The following INO80D variants were observed in gnomAD, a reference collection of about 807,000 sequenced individuals.
The protein encoded by INO80D is INO80 complex subunit D.
In INO80D, 21 loss-of-function variants were observed where a neutral mutation model predicts 87.6. The observed-to-expected ratio is 0.24, with a 90% CI of 0.17 to 0.35. INO80D has a LOEUF of 0.35. Among genes scored for constraint, INO80D ranks in the 10% least tolerant of loss-of-function variants. The pLI, the probability that INO80D is intolerant of heterozygous loss-of-function variation, is 1.00. For synonymous variants in INO80D, 440 were observed against 491.0 expected, an observed-to-expected ratio of 0.90 and a Z score of 1.37; for missense variants, 982 against 1,280.7, an observed-to-expected ratio of 0.77 and a Z score of 3.56.
At chr2:206,037,188 C>T (rs534276469) in intron 5 of INO80D, among the ~76,000 whole-genome samples, 6 of 152,218 alleles carry the variant, frequency 3.9e-5, no homozygotes, top group African/African-American at 7.2e-5. Context: ...GAAATGATAC[C>T]TGTGAAGTAA....
At chr2:206,010,073 A>ACACACACACACACG (rs1401545397) in intron 8 of INO80D, among the ~76,000 whole-genome samples, 1 of 141,042 alleles carries the variant, frequency 7.1e-6, no homozygotes, top group East Asian at 1.9e-4. Flanking sequence ...ACACACACAC[A>ACACACACACACACG]CACACACACA....
At chr2:206,006,791 A>G (rs537976439) in intron 10 of INO80D, among the ~76,000 whole-genome samples, 92 of 152,272 alleles carry the variant, frequency 6.0e-4, no homozygotes, top group African/African-American at 2.1e-3. Context: ...TCATGCCTGT[A>G]ATCCCAGCAC....
intron 8 of INO80D, among the ~76,000 whole-genome samples, chr2:206,010,079 ACACACACG>A: frequency 6.8e-6 from 1 of 148,044 alleles, no homozygotes; most frequent in Non-Finnish European, 1.5e-5. Flanking sequence ...ACACACACAC[ACACACACG>A]CACACACACG....
chr2:206,000,825 A>C lies in INO80D; in HGVS notation c.*3543T>G, dbSNP rs1687896535. On this transcript the variant is annotated 3_prime_UTR_variant, in exon 11 of 11. Transcript: ENST00000403263. ...ACACCAATTTTAAGGAAAAAAAATA[A>C]TAACCTCACTTTCCAACTTGCTCCC... The C allele has an allele frequency of 6.6e-6, 1 of 152,228 alleles. No individual in the cohort carries two copies. Among genetic ancestry groups the C allele is most frequent in the South Asian group, 2.1e-4 (1 of 4,830 alleles). The allele number at this position is 152,228 out of a possible 1,614,324, so 9.4% of individuals were successfully genotyped here. A position where few individuals can be genotyped will look rare whatever the true frequency, so the allele number is the denominator to read the frequency against.
chr2:206,002,248 T>G lies in INO80D; in HGVS notation c.*2120A>C, dbSNP rs1168414403. 6.6e-6 allele frequency: 1 copy of G among 152,202 alleles called. No individual in the cohort carries two copies. Among genetic ancestry groups the G allele is most frequent in the Non-Finnish European group, 1.5e-5 (1 of 68,040 alleles). The allele number at this position is 152,202 out of a possible 1,614,324, so 9.4% of individuals were successfully genotyped here. Reference sequence around the variant, plus strand: ...GACATTTTTGAGCCGAGGTAACTACTCGTGACCACTTCATTACAGTACATT... The same window carrying G: ...GACATTTTTGAGCCGAGGTAACTACGCGTGACCACTTCATTACAGTACATT... On this transcript the variant is annotated 3_prime_UTR_variant, in exon 11 of 11. Transcript: ENST00000403263.
chr2:206,077,971 G>T (rs1242252777), intron 1 of INO80D, among the ~76,000 whole-genome samples: 3 of 137,844 alleles, frequency 2.2e-5, no homozygotes, highest in Non-Finnish European at 4.6e-5. Flanking sequence ...GGTGCAAGAT[G>T]AAATGCCTAC....
At chr2:206,046,905 C>T (rs758005334) in intron 4 of INO80D, among the ~76,000 whole-genome samples, 4 of 152,086 alleles carry the variant, frequency 2.6e-5, no homozygotes, top group Non-Finnish European at 4.4e-5. Context: ...CTCGGCCTCC[C>T]GAGTAGCCAG....
At position 206,056,187 on chromosome 2, in the gene INO80D, A is replaced by G. The variant is rs1386490169; in HGVS notation, c.964+11T>C. ...TTATGTGTCTATGATACGATAAAAT[A>G]GATAACTCACCTAAATGGGGAAACA... On this transcript the variant is annotated intron_variant, in intron 4 of 10. Coordinates refer to ENST00000403263, the MANE Select transcript of INO80D (RefSeq NM_017759.5). 9.6e-6 allele frequency: 15 copies of G among 1,554,954 alleles called. No individual in the cohort carries two copies. Among genetic ancestry groups the G allele is most frequent in the Non-Finnish European group, 1.1e-5 (13 of 1,151,308 alleles).
At position 206,019,852 on chromosome 2, in the gene INO80D, A is replaced by C. The variant is rs1386070955; in HGVS notation, c.1299-7T>G. On this transcript the variant is annotated splice_polypyrimidine_tract_variant and splice_region_variant and intron_variant, in intron 6 of 10. Transcript: ENST00000403263. ...CAGCTTGGTCCGGCTTATGCTAAGG[A>C]AAGAAAAACAGAGAATTAATTTTTT... The C allele has an allele frequency of 6.2e-7, 1 of 1,606,926 alleles. No individual in the cohort carries two copies. The highest frequency in any genetic ancestry group is 2.2e-5 in the East Asian group (1 of 44,790).
At chr2:206,079,077 CT>C (rs745848869) in intron 1 of INO80D, among the ~76,000 whole-genome samples, 25 of 148,328 alleles carry the variant, frequency 1.7e-4, no homozygotes, top group African/African-American at 3.7e-4. Flanking sequence ...TAGGCTTTAT[CT>C]TTTTTTTTTT....
chr2:206,050,122 GAC>G (rs1689310856), intron 4 of INO80D, among the ~76,000 whole-genome samples: 1 of 151,628 alleles, frequency 6.6e-6, no homozygotes, highest in Non-Finnish European at 1.5e-5. Context: ...AACACAGCGA[GAC>G]TCTATCTCAA....
chr2:206,033,194 C>T (rs1688812496), intron 5 of INO80D, among the ~76,000 whole-genome samples: 1 of 152,000 alleles, frequency 6.6e-6, no homozygotes, highest in South Asian at 2.1e-4. Flanking sequence ...TTATATCAGA[C>T]AAAACAAACT....
At chr2:206,056,140 C>A (rs933237711) in intron 4 of INO80D, 58 bp downstream of exon 4, 2 of 1,493,548 alleles carry the variant, frequency 1.3e-6, no homozygotes, top group African/African-American at 1.4e-5. Flanking sequence ...AAGCTCCACA[C>A]AACCGAACAC....
chr2:206,035,329 T>C (rs952601658), intron 5 of INO80D, among the ~76,000 whole-genome samples: 2 of 152,078 alleles, frequency 1.3e-5, no homozygotes, highest in East Asian at 1.9e-4. Flanking sequence ...ACACACTACC[T>C]GATTTCAAAC....
intron 1 of INO80D, among the ~76,000 whole-genome samples, chr2:206,069,107 T>C (rs1689894554): frequency 6.6e-6 from 1 of 152,176 alleles, no homozygotes; most frequent in African/African-American, 2.4e-5. Flanking sequence ...AGCCTTTAAT[T>C]TAATCTTTTC....
intron 6 of INO80D, among the ~76,000 whole-genome samples, chr2:206,026,797 G>C (rs987829739): frequency 6.6e-6 from 1 of 151,680 alleles, no homozygotes; most frequent in Non-Finnish European, 1.5e-5. Flanking sequence ...CACCAAAATG[G>C]TAATATGCCA....
chr2:206,065,279 A>C (rs866063602), intron 1 of INO80D, among the ~76,000 whole-genome samples: 1 of 151,984 alleles, frequency 6.6e-6, no homozygotes, highest in African/African-American at 2.4e-5. Flanking sequence ...GACCAGCCTG[A>C]CTAACAAGGT....
At position 206,005,108 on chromosome 2, in the gene INO80D, C is replaced by G. The variant is rs1402653570; in HGVS notation, c.2344G>C (p.Gly782Arg). Residue 782 changes from glycine (G) to arginine (R), a missense_variant, in exon 11 of 11, where the codon GGA (glycine) becomes CGA (arginine). Coordinates refer to ENST00000403263, the MANE Select transcript of INO80D (RefSeq NM_017759.5). ...QSALGERAFP[G>R]QFHGLHDGSH... is the part of the protein sequence containing the mutation. ...CCGTCATGAAGTCCATGAAACTGTC[C>G]TGGGAAGGCTCTCTCCCCAAGTGCA... 1 of 1,613,832 alleles carries G rather than the reference C, an allele frequency of 6.2e-7. No individual in the cohort carries two copies. The highest frequency in any genetic ancestry group is 1.3e-5 in the African/African-American group (1 of 74,908).
At position 206,010,083 on chromosome 2, in the gene INO80D, A is replaced by ACACACACG. The variant is rs142314785; in HGVS notation, c.1543-290_1543-289insCGTGTGTG. 4.0e-4 allele frequency among the ~76,000 whole-genome samples: 61 copies of ACACACACG among 151,254 alleles called. 1 individual carries two copies. Among genetic ancestry groups the ACACACACG allele is most frequent in the Admixed American group, 1.3e-3 (19 of 15,110 alleles). ...TGTCTACACACACACACACACACACACACGCACACACACGGTTCCAGTTCT... is the reference window on the plus strand; with the variant it reads ...TGTCTACACACACACACACACACACACACACACGCACGCACACACACGGTTCCAGTTCT... On this transcript the variant is annotated intron_variant, in intron 8 of 10. Coordinates refer to ENST00000403263, the MANE Select transcript of INO80D (RefSeq NM_017759.5).
Sources: allele counts gnomAD v4.1 joint callset (sites outside exome capture counted in the v4.1 genomes callset), GRCh38; gene constraint gnomAD v4.1.1; transcripts MANE v1.5; gene names NCBI Gene and HGNC (gene_info 2026-07-23, HGNC 2026-07-21).